The following CHST9 variants were observed in gnomAD, a reference collection of about 807,000 sequenced individuals.
CHST9 encodes the protein GalNAc-4-sulfotransferase 2.
In CHST9, 41 loss-of-function variants were observed where a neutral mutation model predicts 44.4. That is an observed-to-expected ratio of 0.92 (90% confidence interval 0.72 to 1.20). CHST9 has a LOEUF of 1.20. Ranked by LOEUF, CHST9 falls within the 50% of genes most tolerant of loss-of-function variation. CHST9 has a pLI of 0.00. For synonymous variants in CHST9, 171 were observed against 178.4 expected (o/e 0.96, Z 0.33); for missense variants, 504 against 516.5 (o/e 0.98, Z 0.23).
intron 1 of CHST9, among the ~76,000 whole-genome samples, chr18:27,177,295 T>A (rs1567950790): frequency 1.3e-5 from 2 of 152,106 alleles, no homozygotes; most frequent in East Asian, 1.9e-4. Flanking sequence ...TTAATTTAGA[T>A]GATAATTTCT....
chr18:26,923,640 G>A (rs2055705032), intron 5 of CHST9, among the ~76,000 whole-genome samples: 1 of 152,186 alleles, frequency 6.6e-6, no homozygotes, highest in African/African-American at 2.4e-5. Context: ...GCACATATAT[G>A]GAATTACTAC....
At chr18:26,980,326 A>G (rs1283633829) in intron 4 of CHST9, among the ~76,000 whole-genome samples, 2 of 152,172 alleles carry the variant, frequency 1.3e-5, no homozygotes, top group South Asian at 2.1e-4. Flanking sequence ...TTCACAATAC[A>G]TTCTTATTGA....
chr18:27,141,129 C>T (rs972557905), intron 2 of CHST9, among the ~76,000 whole-genome samples: 1 of 152,126 alleles, frequency 6.6e-6, no homozygotes, highest in African/African-American at 2.4e-5. Context: ...GAGGCCTAGG[C>T]GAGTGGATCA....
chr18:27,159,050 T>G (rs1176770295), intron 1 of CHST9, among the ~76,000 whole-genome samples: 1 of 152,180 alleles, frequency 6.6e-6, no homozygotes, highest in African/African-American at 2.4e-5. Context: ...TTTCTCCCAT[T>G]TTGTAGGTTG....
Position 27,053,262 on chromosome 18 carries a change from G to GAAGAAGAAGA in CHST9, c.122-4760_122-4759insTCTTCTTCTT, listed in dbSNP as rs772678534. 8.8e-3 allele frequency among the ~76,000 whole-genome samples: 400 copies of GAAGAAGAAGA among 45,416 alleles called. 4 individuals are homozygous for GAAGAAGAAGA. Among genetic ancestry groups the GAAGAAGAAGA allele is most frequent in the Non-Finnish European group, 0.012 (259 of 21,332 alleles). The allele number at this position is 45,416 out of a possible 152,430, so 29.8% of individuals were successfully genotyped here. A position where few individuals can be genotyped will look rare whatever the true frequency, so the allele number is the denominator to read the frequency against. On this transcript the variant is annotated intron_variant, in intron 2 of 5. Coordinates refer to ENST00000618847, the MANE Select transcript of CHST9 (RefSeq NM_031422.6). Reference sequence around the variant, plus strand: ...GAAGAAGAAGAAGAAGAAGAAGAAGGAGAAGGAGAAGGAGAAGGAGAAGGA... The same window carrying GAAGAAGAAGA: ...GAAGAAGAAGAAGAAGAAGAAGAAGGAAGAAGAAGAAGAAGGAGAAGGAGAAGGAGAAGGA...
intron 5 of CHST9, chr18:26,924,982 C>G (rs2339258): frequency 6.6e-6 from 1 of 151,960 alleles, no homozygotes; most frequent in Non-Finnish European, 1.5e-5. Context: ...CTGGGCTGTG[C>G]GTTGGTGGTA....
At chr18:26,958,128 C>A (rs1007932416) in intron 4 of CHST9, among the ~76,000 whole-genome samples, 2 of 151,332 alleles carry the variant, frequency 1.3e-5, no homozygotes, top group African/African-American at 4.8e-5. Context: ...TCAGGTGATC[C>A]ACCTACCTTG....
intron 4 of CHST9, among the ~76,000 whole-genome samples, chr18:26,955,590 G>T (rs1159259930): frequency 6.6e-6 from 1 of 152,164 alleles, no homozygotes; most frequent in Non-Finnish European, 1.5e-5. Flanking sequence ...CACTGGAGAA[G>T]AACCCAAGAC....
intron 4 of CHST9, among the ~76,000 whole-genome samples, chr18:26,982,056 C>T (rs1007775105): frequency 2.0e-5 from 3 of 152,146 alleles, no homozygotes; most frequent in Admixed American, 2.0e-4. Context: ...TAACATCATT[C>T]AATGGCTTAC....
chr18:27,093,628 C>T (rs1161423416), intron 2 of CHST9, among the ~76,000 whole-genome samples: 1 of 152,176 alleles, frequency 6.6e-6, no homozygotes, highest in African/African-American at 2.4e-5. Context: ...CAAGAGTCTC[C>T]CGATTTTCCA....
chr18:27,019,230 G>A (rs967094211), intron 4 of CHST9, among the ~76,000 whole-genome samples: 6 of 152,194 alleles, frequency 3.9e-5, no homozygotes, highest in Non-Finnish European at 5.9e-5. Context: ...GGCACCAAGT[G>A]CCGGTTTGTG....
chr18:27,042,713 T>C (rs2057458779), intron 3 of CHST9, among the ~76,000 whole-genome samples: 1 of 152,076 alleles, frequency 6.6e-6, no homozygotes, highest in Non-Finnish European at 1.5e-5. Flanking sequence ...CTGAAAATAG[T>C]GGTTCAATAA....
At chr18:27,053,144 A>AAGAAGAAGAAGAAGAAGG (rs2057592529) in intron 2 of CHST9, among the ~76,000 whole-genome samples, 1 of 128,184 alleles carries the variant, frequency 7.8e-6, no homozygotes, top group African/African-American at 2.9e-5. Context: ...GAAGAAGAAG[A>AAGAAGAAGAAGAAGAAGG]AGAAGAAGAA....
chr18:27,076,932 A>G (rs1385663125), intron 2 of CHST9, among the ~76,000 whole-genome samples: 1 of 152,216 alleles, frequency 6.6e-6, no homozygotes, highest in African/African-American at 2.4e-5. Flanking sequence ...TAGAGAGGTG[A>G]TCTGTCAAAT....
intron 4 of CHST9, among the ~76,000 whole-genome samples, chr18:27,019,772 C>T (rs1184543788): frequency 6.6e-6 from 1 of 150,580 alleles, no homozygotes; most frequent in Non-Finnish European, 1.5e-5. Context: ...GGCTTTGCCA[C>T]TGAATGGATG....
chr18:27,064,338 G>A (rs1208764508), intron 2 of CHST9, among the ~76,000 whole-genome samples: 1 of 151,838 alleles, frequency 6.6e-6, no homozygotes, highest in Admixed American at 6.6e-5. Flanking sequence ...GGCCCAGGTT[G>A]CTGTCTCTGG....
rs1383563115 is a variant in CHST9, at chr18:26,982,482, T to C, written c.203-38116A>G. On this transcript the variant is annotated intron_variant, in intron 4 of 5. Coordinates refer to ENST00000618847, the MANE Select transcript of CHST9 (RefSeq NM_031422.6). ...CAGTAGCAACAAAACTCAACATATG[T>C]CACTAAGGAACCTTTTGGTTCATTC... 2.0e-5 allele frequency among the ~76,000 whole-genome samples: 3 copies of C among 152,054 alleles called. No homozygotes were observed. In the East Asian group the frequency reaches 5.8e-4, roughly 29 times the overall value.
chr18:27,013,854 T>A, intron 4 of CHST9, among the ~76,000 whole-genome samples: 1 of 152,198 alleles, frequency 6.6e-6, no homozygotes, highest in East Asian at 1.9e-4. Flanking sequence ...ATGTAGAAAA[T>A]GTAAACTAAT....
In CHST9 at chr18:27,065,569, T is replaced by C. The variant is rs371760256; in HGVS notation, c.122-17066A>G. Among the ~76,000 whole-genome samples, 54 of 147,298 alleles carry C rather than the reference T, an allele frequency of 3.7e-4. No individual in the cohort carries two copies. In the East Asian group the frequency reaches 5.0e-3, roughly 14 times the overall value. ...AGGTATAATGAAGTAAGAGGATTTA[T>C]AGAGTCGTTCACTGCTTTTTTTTTT... On this transcript the variant is annotated intron_variant, in intron 2 of 5. Transcript: ENST00000618847.
Sources: gnomAD v4.1 joint callset for allele counts (sites outside exome capture counted in the v4.1 genomes callset) on GRCh38, gnomAD v4.1.1 for gene constraint, MANE v1.5 for transcripts, NCBI Gene and HGNC (gene_info 2026-07-23, HGNC 2026-07-21) for gene names.